Variants in RBFOX3 observed in about 807,000 individuals in gnomAD.
RBFOX3 encodes RNA binding fox-1 homolog 3.
In RBFOX3, 17 loss-of-function variants were observed where a neutral mutation model predicts 48.7. The observed-to-expected ratio is 0.35, with a 90% CI of 0.24 to 0.52. The LOEUF is 0.52. Among genes scored for constraint, RBFOX3 ranks in the 20% least tolerant of loss-of-function variants. The probability of loss-of-function intolerance (pLI) is 0.94; values close to 1 mark genes in which losing one functional copy is unlikely to be tolerated. For missense variants in RBFOX3, 382 were observed against 497.5 expected (o/e 0.77, Z 2.21); for synonymous variants, 212 against 209.5 (o/e 1.01, Z -0.10).
At chr17:79,561,971 C>A (rs1463039112) in intron 1 of RBFOX3, among the ~76,000 whole-genome samples, 2 of 152,186 alleles carry the variant, frequency 1.3e-5, no homozygotes, top group Non-Finnish European at 2.9e-5. Context: ...GGCAGCGGCC[C>A]ACACAGCTCA....
intron 1 of RBFOX3, among the ~76,000 whole-genome samples, chr17:79,506,788 G>A (rs991408322): frequency 1.4e-4 from 22 of 152,310 alleles, no homozygotes; most frequent in Admixed American, 2.6e-4. Context: ...GATGGGGGCC[G>A]CAGAGGAGCG....
chr17:79,573,627 A>C (rs889740300), intron 1 of RBFOX3, among the ~76,000 whole-genome samples: 20 of 152,288 alleles, frequency 1.3e-4, no homozygotes, highest in Admixed American at 1.2e-3. Context: ...ACTTGATGTG[A>C]ATGATTGCTG....
Position 79,477,531 on chromosome 17 carries a change from G to A in RBFOX3, c.-175+4923C>T, listed in dbSNP as rs1317257111. ...AGATCGCCCCATCGCACTCCAGCCT[G>A]GGCGACAGAGCGAAACTCCGTCACC... On this transcript the variant is annotated intron_variant, in intron 2 of 14. Coordinates refer to ENST00000693108, the MANE Select transcript of RBFOX3 (RefSeq NM_001350451.2). This position sits in a 1 kb window ranked among gnomAD's most constrained non-coding sequence, Gnocchi z 4.8. Among the ~76,000 whole-genome samples the A allele has an allele frequency of 2.6e-5, 4 of 151,742 alleles. No homozygotes were observed. The highest frequency in any genetic ancestry group is 2.1e-4 in the South Asian group (1 of 4,790).
the RBFOX3 span, among the ~76,000 whole-genome samples, chr17:79,643,092 AC>A: frequency 2.0e-5 from 3 of 152,176 alleles, no homozygotes; most frequent in Non-Finnish European, 2.9e-5. Context: ...ACAAAGTTGG[AC>A]CCTGTCTCTA....
intron 1 of RBFOX3, among the ~76,000 whole-genome samples, chr17:79,557,388 C>G (rs1258677906): frequency 7.2e-6 from 1 of 139,392 alleles, no homozygotes; most frequent in Admixed American, 7.4e-5. Context: ...CATGGAGAAG[C>G]CAACAAGGGC....
In RBFOX3 at chr17:79,174,238, C is replaced by A. The variant is rs558873281; in HGVS notation, c.-33-58490G>T. Reference sequence around the variant, plus strand: ...TCCTCTGCCTTGCCCTATGGTCAGTCCCACACACACAGGCACACACACAAT... The same window carrying A: ...TCCTCTGCCTTGCCCTATGGTCAGTACCACACACACAGGCACACACACAAT... On this transcript the variant is annotated intron_variant, in intron 4 of 14. Transcript: ENST00000693108. Among the ~76,000 whole-genome samples, 6 of 152,234 alleles carry A rather than the reference C, an allele frequency of 3.9e-5. No homozygotes were observed. The East Asian group carries it at 1.2e-3, about 29-fold the overall frequency.
chr17:79,160,244 G>A (rs976945092), intron 4 of RBFOX3, among the ~76,000 whole-genome samples: 1 of 152,082 alleles, frequency 6.6e-6, no homozygotes, highest in Non-Finnish European at 1.5e-5. Flanking sequence ...GTGGCCTGGA[G>A]CCAGGGCTGA....
intron 3 of RBFOX3, among the ~76,000 whole-genome samples, chr17:79,300,738 C>T (rs72848068): frequency 3.4e-4 from 52 of 152,156 alleles, no homozygotes; most frequent in East Asian, 9.6e-4. Flanking sequence ...TCCAAGCCGA[C>T]GTTTCGAGAC....
Position 79,391,782 on chromosome 17 carries a change from A to G in RBFOX3, c.-174-83958T>C, listed in dbSNP as rs2061399121. Among the ~76,000 whole-genome samples, 1 of 152,108 alleles carries G rather than the reference A, an allele frequency of 6.6e-6. No homozygotes were observed. Among genetic ancestry groups the G allele is most frequent in the African/African-American group, 2.4e-5 (1 of 41,424 alleles). On this transcript the variant is annotated intron_variant, in intron 2 of 14. Coordinates refer to ENST00000693108, the MANE Select transcript of RBFOX3 (RefSeq NM_001350451.2). This position sits in a 1 kb window ranked among gnomAD's most constrained non-coding sequence, Gnocchi z 5.0. ...ATGTGGAGACACCAGGACCACCAACATGCATGACAACGAGAACCAGTACGC... is the reference window on the plus strand; with the variant it reads ...ATGTGGAGACACCAGGACCACCAACGTGCATGACAACGAGAACCAGTACGC...
intron 4 of RBFOX3, among the ~76,000 whole-genome samples, chr17:79,210,513 G>A (rs1226564077): frequency 2.0e-5 from 3 of 152,278 alleles, no homozygotes; most frequent in Middle Eastern, 3.4e-3. Context: ...ATCCCTTTAC[G>A]GCGGACAGGT....
intron 3 of RBFOX3, among the ~76,000 whole-genome samples, chr17:79,277,175 C>T (rs1480891684): frequency 6.6e-6 from 1 of 152,106 alleles, no homozygotes; most frequent in East Asian, 1.9e-4. Flanking sequence ...CCACCTTGCC[C>T]CCAGGCTGCC....
At chr17:79,158,301 G>A (rs757075098) in intron 4 of RBFOX3, among the ~76,000 whole-genome samples, 2 of 152,136 alleles carry the variant, frequency 1.3e-5, no homozygotes, top group Non-Finnish European at 2.9e-5. Flanking sequence ...AGACCAATAC[G>A]GCTACTTACT....
At chr17:79,376,909 C>T (rs1339015320) in intron 2 of RBFOX3, among the ~76,000 whole-genome samples, 1 of 152,152 alleles carries the variant, frequency 6.6e-6, no homozygotes, top group African/African-American at 2.4e-5. Context: ...CCCCCATTCT[C>T]TTCTCCCTTG....
chr17:79,546,080 A>C (rs1194722699), intron 1 of RBFOX3, among the ~76,000 whole-genome samples: 1 of 152,246 alleles, frequency 6.6e-6, no homozygotes, highest in Non-Finnish European at 1.5e-5. Flanking sequence ...ACAAATTTAA[A>C]GCAAATAATC....
Position 79,473,996 on chromosome 17 carries a change from T to C in RBFOX3, c.-175+8458A>G, listed in dbSNP as rs1402319399. ...AAGCACCAATCCTGCAAACACTTTG[T>C]ATATCCTTGCAAATCGGGTAAAAGA... On this transcript the variant is annotated intron_variant, in intron 2 of 14. Transcript: ENST00000693108. This position sits in a 1 kb window ranked among gnomAD's most constrained non-coding sequence, Gnocchi z 4.2. Among the ~76,000 whole-genome samples, 1 of 152,182 alleles carries C rather than the reference T, an allele frequency of 6.6e-6. No homozygotes were observed. The highest frequency in any genetic ancestry group is 1.5e-5 in the Non-Finnish European group (1 of 68,034).
intron 1 of RBFOX3, among the ~76,000 whole-genome samples, chr17:79,551,147 C>T (rs1406457221): frequency 6.6e-6 from 1 of 152,064 alleles, no homozygotes; most frequent in Non-Finnish European, 1.5e-5. Flanking sequence ...CTGGTACTTC[C>T]TGGGAGGCCC....
At chr17:79,356,941 G>C (rs1377782509) in intron 2 of RBFOX3, among the ~76,000 whole-genome samples, 3 of 152,182 alleles carry the variant, frequency 2.0e-5, no homozygotes, top group African/African-American at 7.2e-5. Context: ...CAGTGGCACT[G>C]AGATGGGACA....
chr17:79,427,788 C>T (rs1207554529), intron 2 of RBFOX3, among the ~76,000 whole-genome samples: 2 of 152,282 alleles, frequency 1.3e-5, no homozygotes, highest in African/African-American at 4.8e-5. Context: ...GATGCGCACA[C>T]ACATATTTGC....
intron 3 of RBFOX3, among the ~76,000 whole-genome samples, chr17:79,257,387 C>A (rs1190585022): frequency 6.6e-6 from 1 of 152,192 alleles, no homozygotes; most frequent in Admixed American, 6.5e-5. Flanking sequence ...GAATACAAAC[C>A]CGAGACCAAA....
Sources: allele counts gnomAD v4.1 joint callset (sites outside exome capture counted in the v4.1 genomes callset), GRCh38; gene constraint gnomAD v4.1.1; non-coding constraint Gnocchi (gnomAD v3.1); transcripts MANE v1.5; gene names NCBI Gene and HGNC (gene_info 2026-07-23, HGNC 2026-07-21).